The following SLCO3A1 variants were observed in gnomAD, a reference collection of about 807,000 sequenced individuals.
SLCO3A1 encodes solute carrier organic anion transporter family member 3A1, also known as PGE1 transporter.
A neutral mutation model predicts 63.1 loss-of-function variants in SLCO3A1; 27 were observed. That is an observed-to-expected ratio of 0.43 (90% CI 0.32 to 0.59). The LOEUF (loss-of-function observed/expected upper bound fraction) is 0.59, where lower values mean the gene tolerates loss of function less well. SLCO3A1 is among the 20% of genes least tolerant of loss of function. The pLI, the probability that SLCO3A1 is intolerant of heterozygous loss-of-function variation, is 0.09. For missense variants in SLCO3A1, 773 were observed against 945.8 expected (o/e 0.82, Z 2.40); for synonymous variants, 473 against 409.9 (o/e 1.15, Z -1.86).
chr15:91,937,596 G>A (rs185469570), intron 2 of SLCO3A1, among the ~76,000 whole-genome samples: 17 of 152,132 alleles, frequency 1.1e-4, no homozygotes, highest in Admixed American at 2.6e-4. Flanking sequence ...GTGGGTGCCT[G>A]TAATCCCAGC....
intron 1 of SLCO3A1, among the ~76,000 whole-genome samples, chr15:91,880,103 G>A (rs74028345): frequency 0.05 from 5,156 of 103,582 alleles, 129 homozygotes; most frequent in African/African-American, 0.07. Context: ...ATGTGTGTCC[G>A]TCCGTCCGTC....
chr15:92,147,204 G>T (rs201798375), intron 8 of SLCO3A1, 45 bp downstream of exon 8: 1 of 1,570,194 alleles, frequency 6.4e-7, no homozygotes, highest in Admixed American at 1.8e-5. Flanking sequence ...TCCACCTGGT[G>T]TTCATCTGCA....
Position 91,865,804 on chromosome 15 carries a change from C to T in SLCO3A1, c.180+11716C>T, listed in dbSNP as rs1897151216. Among the ~76,000 whole-genome samples the T allele has an allele frequency of 6.6e-6, 1 of 152,210 alleles. No individual in the cohort carries two copies. The highest frequency in any genetic ancestry group is 2.4e-5 in the African/African-American group (1 of 41,456). Reference sequence around the variant, plus strand: ...TCGTTTCCAAATTAGGTCACATTCACAGGCACTAAGAGTTAGGACTTCAGT... The same window carrying T: ...TCGTTTCCAAATTAGGTCACATTCATAGGCACTAAGAGTTAGGACTTCAGT... On this transcript the variant is annotated intron_variant, in intron 1 of 9. Transcript: ENST00000318445. This position sits in a 1 kb window ranked among gnomAD's most constrained non-coding sequence, Gnocchi z 4.6.
chr15:91,901,976 G>A (rs937513707), intron 1 of SLCO3A1, among the ~76,000 whole-genome samples: 1 of 151,276 alleles, frequency 6.6e-6, no homozygotes, highest in African/African-American at 2.4e-5. Context: ...GCTCGGTGGT[G>A]TCCTAAAGGT....
Position 92,163,327 on chromosome 15 carries a change from G to C in SLCO3A1, c.*192G>C. The C allele has an allele frequency of 1.6e-6, 2 of 1,246,734 alleles. No individual in the cohort carries two copies. Among genetic ancestry groups the C allele is most frequent in the Non-Finnish European group, 2.0e-6 (2 of 997,678 alleles). 77.2% of individuals were successfully genotyped at this position (1,246,734 alleles called of 1,614,324 possible). On this transcript the variant is annotated 3_prime_UTR_variant, in exon 10 of 10. Transcript: ENST00000318445. ...AGCCAGACAGGATTCAGAATAAGGA[G>C]AGAATGACATCGTGCGGCAGGGTCC...
At chr15:92,042,072 A>T (rs1467799802) in intron 2 of SLCO3A1, among the ~76,000 whole-genome samples, 2 of 152,016 alleles carry the variant, frequency 1.3e-5, no homozygotes, top group African/African-American at 4.8e-5. Context: ...GCCCCATGTG[A>T]CTCTGGGGTT....
chr15:92,001,827 CTTTTTTTTTTTTTTTT>C (rs59951621), intron 2 of SLCO3A1, among the ~76,000 whole-genome samples: 2 of 80,106 alleles, frequency 2.5e-5, no homozygotes, highest in African/African-American at 1.1e-4. Flanking sequence ...TGTGTGAGTT[CTTTTTTTTTTTTTTTT>C]TTTTTTTTTT....
chr15:91,982,664 T>C (rs2046002446), intron 2 of SLCO3A1, among the ~76,000 whole-genome samples: 2 of 152,178 alleles, frequency 1.3e-5, no homozygotes, highest in African/African-American at 4.8e-5. Flanking sequence ...GCTCTAGAGT[T>C]TAATAAGGAA....
chr15:92,085,097 GCAGCAAAC>G (rs1271588343), intron 2 of SLCO3A1, among the ~76,000 whole-genome samples: 3 of 152,216 alleles, frequency 2.0e-5, no homozygotes, highest in Non-Finnish European at 4.4e-5. Context: ...CTTTTCAGAT[GCAGCAAAC>G]CAGCATAGAG....
chr15:92,007,155 T>A (rs943150365), intron 2 of SLCO3A1, among the ~76,000 whole-genome samples: 1 of 152,226 alleles, frequency 6.6e-6, no homozygotes. Flanking sequence ...TTTATATATA[T>A]GTTCTCAATG....
rs564933985 is a variant in SLCO3A1 at position 91,896,585 on chromosome 15, A to C, written c.181-19408A>C. On this transcript the variant is annotated intron_variant, in intron 1 of 9. Coordinates refer to ENST00000318445, the MANE Select transcript of SLCO3A1 (RefSeq NM_013272.4). ...TCTCATGAGATCTGATGGTTTTATA[A>C]AGGGCAAATCTTCTGTGCACACTGT... 2.0e-5 allele frequency among the ~76,000 whole-genome samples: 3 copies of C among 152,294 alleles called. No homozygotes were observed. In the South Asian group the frequency reaches 6.2e-4, roughly 32 times the overall value.
At chr15:92,025,342 A>C (rs941523991) in intron 2 of SLCO3A1, among the ~76,000 whole-genome samples, 50 of 152,228 alleles carry the variant, frequency 3.3e-4, no homozygotes, top group Admixed American at 6.5e-4. Context: ...TTCTTATTTT[A>C]AGGCTGTGGA....
chr15:92,150,669 T>G (rs1319989561), intron 8 of SLCO3A1, among the ~76,000 whole-genome samples: 3 of 152,188 alleles, frequency 2.0e-5, no homozygotes, highest in Non-Finnish European at 4.4e-5. Context: ...GCAGGTTTTA[T>G]GACCAAATTT....
chr15:91,987,164 G>A (rs2046064165), intron 2 of SLCO3A1, among the ~76,000 whole-genome samples: 1 of 152,136 alleles, frequency 6.6e-6, no homozygotes, highest in African/African-American at 2.4e-5. Flanking sequence ...GAGAAGAGTG[G>A]CAGCAATAAT....
At chr15:91,914,190 C>T (rs529419695) in intron 1 of SLCO3A1, among the ~76,000 whole-genome samples, 11 of 152,278 alleles carry the variant, frequency 7.2e-5, no homozygotes, top group African/African-American at 2.6e-4. Context: ...CAAGGTCAGC[C>T]AGAGTCAGGA....
chr15:91,947,278 C>T (rs72754003), intron 2 of SLCO3A1, among the ~76,000 whole-genome samples: 9,031 of 152,260 alleles, frequency 0.059, 378 homozygotes, highest in Non-Finnish European at 0.089. Flanking sequence ...CATATGGTGA[C>T]GATGACATAG....
At chr15:92,147,233 G>C in intron 8 of SLCO3A1, 74 bp downstream of exon 8, 1 of 1,437,914 alleles carries the variant, frequency 7.0e-7, no homozygotes, top group Non-Finnish European at 9.5e-7. Flanking sequence ...AGGGACCAGA[G>C]CTTCAGACAA....
In SLCO3A1 at chr15:92,120,635, T is replaced by C. The variant is rs1424707617; in HGVS notation, c.1174+6T>C. ...TTCTGCCAACCAGCTGCTTGGTGAG[T>C]GTGTCCTCAGGCCTCCTGAGAGGGT... On this transcript the variant is annotated splice_donor_region_variant and intron_variant, in intron 5 of 9. Transcript: ENST00000318445. The C allele has an allele frequency of 6.2e-7, 1 of 1,612,242 alleles. No individual in the cohort carries two copies. Among genetic ancestry groups the C allele is most frequent in the Non-Finnish European group, 8.5e-7 (1 of 1,179,268 alleles).
chr15:91,917,000 G>T lies in SLCO3A1; in HGVS notation c.646+542G>T, dbSNP rs1008911562. Among the ~76,000 whole-genome samples the T allele has an allele frequency of 6.6e-6, 1 of 152,196 alleles. No homozygotes were observed. The highest frequency in any genetic ancestry group is 2.4e-5 in the African/African-American group (1 of 41,440). ...ATGTAGAGAGAAATAAGGTATTTGT[G>T]TTTTGAAAAGTTATTTTTCACGGTC... is the stretch of plus-strand genomic sequence containing the variant. On this transcript the variant is annotated intron_variant, in intron 2 of 9. Coordinates refer to ENST00000318445, the MANE Select transcript of SLCO3A1 (RefSeq NM_013272.4). This position sits in a 1 kb window ranked among gnomAD's most constrained non-coding sequence, Gnocchi z 6.2.
Sources: allele counts gnomAD v4.1 joint callset (sites outside exome capture counted in the v4.1 genomes callset), GRCh38; gene constraint gnomAD v4.1.1; non-coding constraint Gnocchi (gnomAD v3.1); transcripts MANE v1.5; gene names NCBI Gene and HGNC (gene_info 2026-07-23, HGNC 2026-07-21).